Variants in TENM1 observed in about 807,000 individuals in gnomAD.
TENM1 encodes the protein teneurin transmembrane protein 1.
A neutral mutation model predicts 174.8 loss-of-function variants in TENM1; 35 were observed. That is an observed-to-expected ratio of 0.20 (90% confidence interval 0.15 to 0.27). The LOEUF is 0.27. Among genes scored for constraint, TENM1 ranks in the 10% least tolerant of loss-of-function variants. TENM1 has a pLI of 1.00. For missense variants in TENM1, 1,633 were observed against 2,130.1 expected (o/e 0.77, Z 4.59); for synonymous variants, 781 against 798.7 (o/e 0.98, Z 0.37).
chrX:124,899,659 G>A (rs1603267463), intron 1 of TENM1, among the ~76,000 whole-genome samples: 1 of 111,849 alleles, frequency 8.9e-6, no homozygotes. Flanking sequence ...TTGCTGGGTC[G>A]AATGGTAGTT....
the TENM1 span, among the ~76,000 whole-genome samples, chrX:125,027,987 A>C: frequency 9.0e-6 from 1 of 111,653 alleles, no homozygotes; most frequent in Admixed American, 9.5e-5. Flanking sequence ...GGATATAGAG[A>C]ATTAGGAATT....
At chrX:125,016,091 A>C in the TENM1 span, among the ~76,000 whole-genome samples, 20 of 111,400 alleles carry the variant, frequency 1.8e-4, no homozygotes, top group Admixed American at 1.8e-3. Flanking sequence ...TGTATATAAA[A>C]ATCTCTTGAA....
chrX:125,064,591 GA>G, the TENM1 span, among the ~76,000 whole-genome samples: 20,410 of 110,013 alleles, frequency 0.19, 1,472 homozygotes, highest in Admixed American at 0.33. Context: ...AATTTGTGTG[GA>G]AAAAAATAAT....
chrX:124,520,833 C>T (rs1223718243), intron 17 of TENM1, 49 bp from the exon 21 acceptor site: 7 of 1,078,728 alleles, frequency 6.5e-6, no homozygotes, highest in African/African-American at 1.9e-5. Flanking sequence ...TGTCAGTGGT[C>T]GCAGGTAGAT....
At chrX:124,914,020 A>G (rs762854565) in intron 1 of TENM1, among the ~76,000 whole-genome samples, 2 of 111,972 alleles carry the variant, frequency 1.8e-5, no homozygotes, top group South Asian at 7.5e-4. Context: ...CTGACTCTGA[A>G]GGGTTAAAAT....
chrX:124,803,498 G>A (rs779006400), intron 3 of TENM1, among the ~76,000 whole-genome samples: 5 of 112,104 alleles, frequency 4.5e-5, no homozygotes, highest in African/African-American at 1.6e-4. Context: ...TTCATAGAGA[G>A]CTTTCTATCC....
chrX:124,457,663 G>A (rs755374111), intron 22 of TENM1, among the ~76,000 whole-genome samples: 5 of 111,598 alleles, frequency 4.5e-5, no homozygotes, highest in Non-Finnish European at 9.4e-5. Flanking sequence ...GAAGGAACAG[G>A]GGCATCCTGA....
intron 11 of TENM1, among the ~76,000 whole-genome samples, chrX:124,613,222 T>C (rs1291823925): frequency 1.8e-5 from 2 of 111,550 alleles, no homozygotes; most frequent in Non-Finnish European, 3.8e-5. Context: ...ATTATCATAA[T>C]GTCTCAAGTC....
chrX:124,597,174 A>T (rs2049915484), intron 11 of TENM1, among the ~76,000 whole-genome samples: 1 of 111,807 alleles, frequency 8.9e-6, no homozygotes. Context: ...ACTCCTGGAT[A>T]TCTACCCAGA....
intron 3 of TENM1, among the ~76,000 whole-genome samples, chrX:124,791,310 G>T (rs1032685103): frequency 9.0e-6 from 1 of 111,386 alleles, no homozygotes; most frequent in African/African-American, 3.3e-5. Context: ...TTCTCTCAAT[G>T]CTTTCTCATA....
At chrX:125,097,344 T>G in the TENM1 span, among the ~76,000 whole-genome samples, 1 of 112,206 alleles carries the variant, frequency 8.9e-6, no homozygotes, top group African/African-American at 3.2e-5. Flanking sequence ...CACTTTGAAT[T>G]AGACATAGAT....
intron 8 of TENM1, among the ~76,000 whole-genome samples, chrX:124,648,936 C>T (rs1252440428): frequency 9.0e-6 from 1 of 111,682 alleles, no homozygotes; most frequent in African/African-American, 3.3e-5. Context: ...GCTCAAAGGG[C>T]TTTACAAAGC....
chrX:125,075,373 G>T, the TENM1 span, among the ~76,000 whole-genome samples: 21 of 111,326 alleles, frequency 1.9e-4, no homozygotes, highest in African/African-American at 6.8e-4. Flanking sequence ...ATTATATTTT[G>T]TTTATCCGTC....
In TENM1 at chrX:124,501,359, C is replaced by G. The variant is rs12116266; in HGVS notation, c.3445+2201G>C. On this transcript the variant is annotated intron_variant, in intron 19 of 31. Coordinates refer to ENST00000422452, the Ensembl canonical transcript of TENM1. ...AATATTGGGAAACAATTCTCCACAA[C>G]CAATGGTTAACTGTCAGGTAAATAT... is the stretch of plus-strand genomic sequence containing the variant. Among the ~76,000 whole-genome samples, 984 of 111,681 alleles carry G rather than the reference C, an allele frequency of 8.8e-3. 10 individuals are homozygous for G. The highest frequency in any genetic ancestry group is 0.029 in the African/African-American group (896 of 30,768).
At chrX:124,504,037 G>A (rs1163861779) in intron 18 of TENM1, among the ~76,000 whole-genome samples, 1 of 111,804 alleles carries the variant, frequency 8.9e-6, no homozygotes, top group African/African-American at 3.3e-5. Flanking sequence ...GATGCTTTCT[G>A]CAGGATTAAG....
At chrX:124,952,096 A>T (rs768619190) in intron 1 of TENM1, among the ~76,000 whole-genome samples, 2 of 111,250 alleles carry the variant, frequency 1.8e-5, no homozygotes, top group African/African-American at 6.5e-5. Context: ...CTTGCCAACC[A>T]CTAGCACTTG....
chrX:124,985,282 T>C, the TENM1 span, among the ~76,000 whole-genome samples: 1 of 112,503 alleles, frequency 8.9e-6, no homozygotes, highest in Admixed American at 9.4e-5. Flanking sequence ...TCTTACTCCT[T>C]GGAAGTGATG....
At chrX:125,051,372 G>T in the TENM1 span, among the ~76,000 whole-genome samples, 1 of 109,521 alleles carries the variant, frequency 9.1e-6, no homozygotes, top group African/African-American at 3.3e-5. Flanking sequence ...CCAAAAAAGA[G>T]CCCGCATCGC....
At chrX:124,892,501 A>C (rs1466840936) in intron 3 of TENM1, among the ~76,000 whole-genome samples, 2 of 112,460 alleles carry the variant, frequency 1.8e-5, no homozygotes, top group African/African-American at 6.5e-5. Context: ...AAAAGAAACA[A>C]GTCCTTATAA....
Sources: gnomAD v4.1 joint callset for allele counts (sites outside exome capture counted in the v4.1 genomes callset) on GRCh38, gnomAD v4.1.1 for gene constraint, MANE v1.5 for transcripts, NCBI Gene and HGNC (gene_info 2026-07-23, HGNC 2026-07-21) for gene names.